GON4L: variants seen among roughly 807,000 people sequenced by gnomAD.
GON4L encodes gon-4 like, also known as GON-4-like protein.
In GON4L, 87 loss-of-function variants were observed where a neutral mutation model predicts 211.8. That is an observed-to-expected ratio of 0.41 (90% confidence interval 0.35 to 0.49). The LOEUF (loss-of-function observed/expected upper bound fraction) is 0.49. Among genes scored for constraint, GON4L ranks in the 20% least tolerant of loss-of-function variants. GON4L has a pLI of 0.15. For synonymous variants in GON4L, 875 were observed against 962.6 expected (o/e 0.91, Z 1.68); for missense variants, 2,155 against 2,659.5 (o/e 0.81, Z 4.17).
downstream of GON4L, chr1:155,749,284 A>C (rs1215706911): frequency 6.2e-6 from 10 of 1,608,844 alleles, no homozygotes; most frequent in Middle Eastern, 1.7e-4. Flanking sequence ...TTTGTTATTC[A>C]TGCTGCCACA....
chr1:155,804,938 C>T lies in GON4L; in HGVS notation c.1645+11G>A. 6.2e-7 allele frequency: 1 copy of T among 1,609,038 alleles called. No homozygotes were observed. Among genetic ancestry groups the T allele is most frequent in the Non-Finnish European group, 8.5e-7 (1 of 1,175,484 alleles). On this transcript the variant is annotated intron_variant, in intron 11 of 31. Transcript: ENST00000368331. ...GACAGTATACATAATAAATCACAAA[C>T]CAAAACTTACCTTCATTCCCCACAT...
chr1:155,792,898 G>A (rs895232618), intron 12 of GON4L, among the ~76,000 whole-genome samples: 18 of 151,884 alleles, frequency 1.2e-4, no homozygotes, highest in Non-Finnish European at 2.4e-4. Context: ...CTGGGACTAC[G>A]GGCATGCACC....
At chr1:155,832,077 C>A (rs1669830598) in intron 2 of GON4L, among the ~76,000 whole-genome samples, 1 of 151,606 alleles carries the variant, frequency 6.6e-6, no homozygotes, top group Admixed American at 6.6e-5. Flanking sequence ...GAGTTCAAGA[C>A]CAGCCTGGCC....
At chr1:155,856,034 A>T (rs940573535) in intron 1 of GON4L, among the ~76,000 whole-genome samples, 1 of 150,482 alleles carries the variant, frequency 6.6e-6, no homozygotes, top group Non-Finnish European at 1.5e-5. Flanking sequence ...GGAAAACTTT[A>T]CTGTCATAAA....
intron 20 of GON4L, 45 bp from the exon 21 acceptor site, chr1:155,766,754 G>A: frequency 1.2e-6 from 2 of 1,611,200 alleles, no homozygotes; most frequent in East Asian, 2.2e-5. Context: ...GTCAGAATTT[G>A]GGAAAAAGAG....
intron 9 of GON4L, 43 bp from the exon 10 acceptor site, chr1:155,813,847 G>A (rs1667999869): frequency 6.5e-7 from 1 of 1,532,668 alleles, no homozygotes; most frequent in African/African-American, 1.4e-5. Context: ...AAGGAGGTAA[G>A]AAAGAAAGAG....
chr1:155,753,413 A>C lies in GON4L; in HGVS notation c.5633T>G (p.Val1878Gly). Residue 1878 changes from valine (V) to glycine (G), a missense_variant and splice_region_variant, in exon 29 of 32, where the codon GTC (valine) becomes GGC (glycine). Val to Gly is a moderately radical substitution (Grantham distance 109, BLOSUM62 -3). Coordinates refer to ENST00000368331, the MANE Select transcript of GON4L (RefSeq NM_001282860.2). ...RRSCSHCSSK[V>G]CDSKSYKSKE... is the part of the protein sequence containing the mutation. Reference sequence around the variant, plus strand: ...GCTCTTGTAGGATTTGCTGTCACAGACCTGCAGGGATGGTCTTCCGGGTCA... The same window carrying C: ...GCTCTTGTAGGATTTGCTGTCACAGCCCTGCAGGGATGGTCTTCCGGGTCA... The C allele has an allele frequency of 6.2e-7, 1 of 1,610,288 alleles. No homozygotes were observed. Among genetic ancestry groups the C allele is most frequent in the Non-Finnish European group, 8.5e-7 (1 of 1,177,652 alleles).
chr1:155,807,048 A>G (rs1667192881), intron 10 of GON4L, among the ~76,000 whole-genome samples: 1 of 148,566 alleles, frequency 6.7e-6, no homozygotes, highest in Non-Finnish European at 1.5e-5. Flanking sequence ...GTAGTGAGCC[A>G]TGATTGCACC....
chr1:155,797,727 C>T lies in GON4L; in HGVS notation c.1646-2576G>A, dbSNP rs974722028. Among the ~76,000 whole-genome samples the T allele has an allele frequency of 2.7e-5, 4 of 150,594 alleles. No individual in the cohort carries two copies. In the East Asian group the frequency reaches 5.9e-4, roughly 22 times the overall value. On this transcript the variant is annotated intron_variant, in intron 11 of 31. Transcript: ENST00000368331. ...AATTAGCCAAGAGTAATGGTGCGTG[C>T]CTGTAATTCCAGCTACTTGGGAGGC...
chr1:155,815,924 A>G, intron 7 of GON4L, 24 bp from the exon 8 acceptor site: 1 of 1,296,962 alleles, frequency 7.7e-7, no homozygotes, highest in Non-Finnish European at 1.1e-6. Flanking sequence ...ATTAGAAAGA[A>G]ATGAAGTAAT....
intron 2 of GON4L, chr1:155,846,770 G>C (rs1671289750): frequency 6.6e-6 from 1 of 152,108 alleles, no homozygotes; most frequent in African/African-American, 2.4e-5. Flanking sequence ...CCAGTACTTT[G>C]GGAGGCCGAG....
At chr1:155,841,809 C>T (rs898758678) in intron 2 of GON4L, among the ~76,000 whole-genome samples, 9 of 152,260 alleles carry the variant, frequency 5.9e-5, no homozygotes, top group Admixed American at 2.6e-4. Context: ...AGACAGATCA[C>T]CTGAGGTTAG....
Position 155,753,410 on chromosome 1 carries a change from C to T in GON4L, c.5636G>A (p.Cys1879Tyr). 1.2e-6 allele frequency: 2 copies of T among 1,612,114 alleles called. No homozygotes were observed. The highest frequency in any genetic ancestry group is 1.7e-4 in the Middle Eastern group (1 of 6,006). The change falls in exon 29 of 32, where the codon TGT (cysteine) becomes TAT (tyrosine). Residue 1879 changes from cysteine (C) to tyrosine (Y), a missense_variant. Cys to Tyr is a radical substitution (Grantham distance 194, BLOSUM62 -2). Transcript: ENST00000368331. ...RSCSHCSSKV[C>Y]DSKSYKSKEP... ...CTTGCTCTTGTAGGATTTGCTGTCA[C>T]AGACCTGCAGGGATGGTCTTCCGGG...
At position 155,750,551 on chromosome 1, in the gene GON4L, G is replaced by T. The variant is rs773288094; in HGVS notation, c.*33C>A. ...CCTCCCCGGTGCCAGGGCGCCTGTT[G>T]GGTTTGGTCCTGTGTAGATGATTCC... On this transcript the variant is annotated 3_prime_UTR_variant, in exon 32 of 32. Coordinates refer to ENST00000368331, the MANE Select transcript of GON4L (RefSeq NM_001282860.2). The T allele has an allele frequency of 1.3e-6, 2 of 1,564,860 alleles. No homozygotes were observed. Among genetic ancestry groups the T allele is most frequent in the Non-Finnish European group, 1.8e-6 (2 of 1,136,030 alleles).
chr1:155,812,887 C>T (rs1571835249), intron 10 of GON4L, among the ~76,000 whole-genome samples: 1 of 152,192 alleles, frequency 6.6e-6, no homozygotes, highest in East Asian at 1.9e-4. Context: ...CACTATTATA[C>T]TGTGTTAATA....
downstream of GON4L, chr1:155,748,377 C>A (rs1660339410): frequency 1.3e-6 from 2 of 1,594,588 alleles, no homozygotes. Context: ...AGGCCAAGTG[C>A]CCCTCTTGGT....
chr1:155,821,824 G>C (rs550521917), intron 4 of GON4L, among the ~76,000 whole-genome samples: 1 of 152,192 alleles, frequency 6.6e-6, no homozygotes, highest in Non-Finnish European at 1.5e-5. Context: ...AGATCCTGAG[G>C]TAAGTAACTA....
chr1:155,821,407 C>T lies in GON4L; in HGVS notation c.963+67G>A, dbSNP rs192963390. 1.4e-3 allele frequency: 1,345 copies of T among 977,464 alleles called. 5 individuals carry two copies. Among genetic ancestry groups the T allele is most frequent in the Admixed American group, 9.3e-3 (550 of 59,038 alleles). The allele number at this position is 977,464 out of a possible 1,614,324, so 60.5% of individuals were successfully genotyped here. On this transcript the variant is annotated intron_variant, in intron 5 of 31. Coordinates refer to ENST00000368331, the MANE Select transcript of GON4L (RefSeq NM_001282860.2). ...TGTTTACAAACTCCTAAGTGACCTC[C>T]TACCCTTAGCCAGTTTAGAGATAAC...
At chr1:155,822,723 G>A (rs1668844958) in intron 3 of GON4L, among the ~76,000 whole-genome samples, 1 of 152,326 alleles carries the variant, frequency 6.6e-6, no homozygotes, top group East Asian at 1.9e-4. Flanking sequence ...AGGGGAATTA[G>A]GCAACTTTTG....
Sources: gnomAD v4.1 joint callset for allele counts (sites outside exome capture counted in the v4.1 genomes callset) on GRCh38, gnomAD v4.1.1 for gene constraint, MANE v1.5 for transcripts, NCBI Gene and HGNC (gene_info 2026-07-23, HGNC 2026-07-21) for gene names.